MEIG1: variants seen among roughly 807,000 people sequenced by gnomAD.
MEIG1 encodes the protein meiosis expressed gene 1 protein homolog.
MEIG1 carries 12 observed loss-of-function variants against 11.3 expected under a neutral mutation model. The observed-to-expected ratio is 1.07, with a 90% confidence interval of 0.68 to 1.73. The LOEUF is 1.73. MEIG1 is among the 40% of genes most tolerant of loss of function. The pLI, the probability that MEIG1 is intolerant of heterozygous loss-of-function variation, is 0.00. For synonymous variants in MEIG1, 41 were observed against 33.2 expected (o/e 1.24, Z -0.81); for missense variants, 119 against 104.9 (o/e 1.13, Z -0.59).
At chr10:14,974,484 C>T (rs1206768905), downstream of MEIG1, among the ~76,000 whole-genome samples, 6 of 152,114 alleles carry the variant, frequency 3.9e-5, no homozygotes, top group African/African-American at 1.4e-4. Flanking sequence ...ACTACGTGAC[C>T]ATCCTCCTCT....
chr10:14,966,452 A>G lies in MEIG1; in HGVS notation c.-17A>G, dbSNP rs770730208. The G allele has an allele frequency of 3.8e-6, 6 of 1,583,590 alleles. No homozygotes were observed. The highest frequency in any genetic ancestry group is 2.3e-5 in the South Asian group (2 of 85,534). On this transcript the variant is annotated 5_prime_UTR_variant, in exon 2 of 3. Transcript: ENST00000407572. ...TAACATCTTTCAGATATTATTGATA[A>G]TAAGGCCTCTGTAACCATGGCTAGT...
At chr10:14,960,044 G>A (rs896501150) in intron 1 of MEIG1, among the ~76,000 whole-genome samples, 3 of 152,242 alleles carry the variant, frequency 2.0e-5, no homozygotes, top group African/African-American at 4.8e-5. Context: ...ACCGCCGGGC[G>A]TGCTTTCGGA....
chr10:14,962,725 A>G (rs2131261767), intron 1 of MEIG1, among the ~76,000 whole-genome samples: 1 of 152,322 alleles, frequency 6.6e-6, no homozygotes, highest in Middle Eastern at 3.4e-3. Flanking sequence ...TAAGTAATAC[A>G]GTCACTAAAT....
At chr10:14,972,428 A>T (rs547215715) in intron 2 of MEIG1, 85 bp from the exon 3 acceptor site, 6 of 1,562,098 alleles carry the variant, frequency 3.8e-6, no homozygotes, top group South Asian at 1.1e-5. Flanking sequence ...TCTGTAAGTC[A>T]TACTTTTTAA....
downstream of MEIG1, among the ~76,000 whole-genome samples, chr10:14,973,769 CAAAAA>C (rs59507280): frequency 5.5e-5 from 5 of 90,466 alleles, no homozygotes; most frequent in Admixed American, 1.4e-4. Flanking sequence ...GACTCCATCT[CAAAAA>C]AAAAAAAAAA....
At chr10:14,973,716 G>T (rs551201834), downstream of MEIG1, among the ~76,000 whole-genome samples, 33 of 140,170 alleles carry the variant, frequency 2.4e-4, no homozygotes, top group Non-Finnish European at 4.2e-4. Context: ...CTTGCAGTGA[G>T]CCAAGATCCC....
chr10:14,975,135 C>T (rs1182922419), downstream of MEIG1, among the ~76,000 whole-genome samples: 1 of 152,146 alleles, frequency 6.6e-6, no homozygotes, highest in Non-Finnish European at 1.5e-5. Context: ...TGATGTTCCT[C>T]CTCATATTCA....
chr10:14,984,106 G>A (rs1204469596), intron 1 of MEIG1, among the ~76,000 whole-genome samples: 3 of 152,050 alleles, frequency 2.0e-5, no homozygotes, highest in Admixed American at 6.6e-5. Flanking sequence ...TTCCAGAGGC[G>A]GAAAAGATAT....
At chr10:14,986,183 G>C (rs999099545) in intron 1 of MEIG1, among the ~76,000 whole-genome samples, 1 of 152,030 alleles carries the variant, frequency 6.6e-6, no homozygotes, top group Non-Finnish European at 1.5e-5. Context: ...ACATTAGCTG[G>C]GCGTGCTGGC....
upstream of MEIG1, chr10:14,959,327 G>A (rs879623606): frequency 1.3e-5 from 2 of 152,316 alleles, no homozygotes; most frequent in Admixed American, 6.5e-5. Context: ...CCCGGGGGCG[G>A]GGCCTGAGCT....
At chr10:14,987,024 C>G (rs1321648064) in intron 2 of MEIG1, 1 of 623,708 alleles carries the variant, frequency 1.6e-6, no homozygotes, top group African/African-American at 1.9e-5. Flanking sequence ...GGTGAGGATT[C>G]ATGATGACTG....
rs543857982 is a variant in MEIG1 at position 14,969,433 on chromosome 10, G to T, written c.138+2827G>T. Among the ~76,000 whole-genome samples the T allele has an allele frequency of 8.8e-5, 13 of 148,208 alleles. No individual in the cohort carries two copies. The South Asian group carries it at 2.5e-3, about 29-fold the overall frequency. ...ACTGCACACCAGCCTGGGTGAGAGA[G>T]CAAGACCCTGTCTCAAAAAAAAAAA... On this transcript the variant is annotated intron_variant, in intron 2 of 2. Transcript: ENST00000407572.
intron 1 of MEIG1, among the ~76,000 whole-genome samples, chr10:14,963,258 G>A (rs771201969): frequency 2.6e-5 from 4 of 151,666 alleles, no homozygotes; most frequent in East Asian, 1.9e-4. Flanking sequence ...CACCACGCCC[G>A]GCTAATTTTG....
downstream of MEIG1, among the ~76,000 whole-genome samples, chr10:14,977,676 C>T (rs967004121): frequency 3.0e-4 from 46 of 151,700 alleles, no homozygotes; most frequent in African/African-American, 1.1e-3. Flanking sequence ...TGTGGGTATA[C>T]CCTGTGATAT....
chr10:14,972,192 T>C (rs184811642), intron 2 of MEIG1, among the ~76,000 whole-genome samples: 131 of 152,140 alleles, frequency 8.6e-4, no homozygotes, highest in Non-Finnish European at 1.3e-3. Context: ...TTTTTGTATT[T>C]TTAGTAGAGG....
At chr10:14,986,884 T>G in exon 2 of MEIG1, 3 of 492,664 alleles carry the variant, frequency 6.1e-6, no homozygotes, top group Non-Finnish European at 1.1e-5. Context: ...GTTGAGAAGT[T>G]GAGAGGGGTC....
At chr10:14,987,424 T>C (rs1843330652) in intron 2 of MEIG1, 3 of 728,068 alleles carry the variant, frequency 4.1e-6, no homozygotes, top group Non-Finnish European at 7.7e-6. Flanking sequence ...CTCAGACACC[T>C]GTGAGATTCC....
intron 1 of MEIG1, among the ~76,000 whole-genome samples, chr10:14,983,165 C>G (rs1417805510): frequency 6.6e-6 from 1 of 152,090 alleles, no homozygotes; most frequent in South Asian, 2.1e-4. Context: ...GTACACCCAC[C>G]CGGTGATATT....
At position 14,959,563 on chromosome 10, in the gene MEIG1, T is replaced by G. The variant is rs892524419; in HGVS notation, c.-30+6T>G. 2.6e-5 allele frequency: 4 copies of G among 152,198 alleles called. No homozygotes were observed. The highest frequency in any genetic ancestry group is 4.4e-5 in the Non-Finnish European group (3 of 68,074). The allele number at this position is 152,198 out of a possible 1,614,324, so 9.4% of individuals were successfully genotyped here. A position where few individuals can be genotyped will look rare whatever the true frequency, so the allele number is the denominator to read the frequency against. On this transcript the variant is annotated splice_donor_region_variant and intron_variant, in intron 1 of 2. Transcript: ENST00000407572. ...CAGTAGAGCCGGACCCAGGGGTGGG[T>G]GGATGCGTCGCTGGAGGCGAGGGCC...
Sources: gnomAD v4.1 joint callset for allele counts (sites outside exome capture counted in the v4.1 genomes callset) on GRCh38, gnomAD v4.1.1 for gene constraint, MANE v1.5 for transcripts, NCBI Gene and HGNC (gene_info 2026-07-23, HGNC 2026-07-21) for gene names.